Variants in GHR observed in about 807,000 individuals in gnomAD.
GHR encodes growth hormone receptor.
A neutral mutation model predicts 67.1 loss-of-function variants in GHR; 35 were observed. That is an observed-to-expected ratio of 0.52 (90% CI 0.40 to 0.69). The LOEUF is 0.69. Among genes scored for constraint, GHR ranks in the 30% least tolerant of loss-of-function variants. The pLI, the probability that GHR is intolerant of heterozygous loss-of-function variation, is 0.00. For synonymous variants in GHR, 272 were observed against 269.1 expected (o/e 1.01, Z -0.10); for missense variants, 792 against 764.6 (o/e 1.04, Z -0.42).
At chr5:42,588,550 A>AAAAAAAAAAAAC (rs1458940491) in intron 2 of GHR, among the ~76,000 whole-genome samples, 1 of 150,010 alleles carries the variant, frequency 6.7e-6, no homozygotes, top group Admixed American at 6.7e-5. Context: ...AAAAAAAAAA[A>AAAAAAAAAAAAC]AGTGACCTAT....
intron 1 of GHR, among the ~76,000 whole-genome samples, chr5:42,443,882 T>C (rs546832439): frequency 2.0e-5 from 3 of 152,054 alleles, no homozygotes; most frequent in Admixed American, 2.0e-4. Context: ...AACACTCTCA[T>C]AGAAACATTT....
At chr5:42,639,118 A>G (rs1754345311) in intron 3 of GHR, among the ~76,000 whole-genome samples, 3 of 152,174 alleles carry the variant, frequency 2.0e-5, no homozygotes, top group Non-Finnish European at 4.4e-5. Flanking sequence ...TGATGGATGG[A>G]AAGGGCAATT....
chr5:42,478,794 TG>T (rs1745467196), intron 1 of GHR, among the ~76,000 whole-genome samples: 2 of 152,194 alleles, frequency 1.3e-5, no homozygotes, highest in Admixed American at 1.3e-4. Context: ...GCTGAGATGA[TG>T]GGGTTTTCTA....
At chr5:42,544,878 A>T (rs189155919) in intron 1 of GHR, among the ~76,000 whole-genome samples, 4 of 152,296 alleles carry the variant, frequency 2.6e-5, no homozygotes, top group African/African-American at 9.6e-5. Flanking sequence ...AAGATATATG[A>T]TGGAATATGA....
intron 6 of GHR, among the ~76,000 whole-genome samples, chr5:42,701,881 A>G (rs1757947058): frequency 6.6e-6 from 1 of 152,166 alleles, no homozygotes; most frequent in African/African-American, 2.4e-5. Context: ...TAATCAAATC[A>G]TGCATGGGGA....
intron 2 of GHR, among the ~76,000 whole-genome samples, chr5:42,622,765 C>G (rs758368128): frequency 3.7e-4 from 56 of 152,186 alleles, no homozygotes; most frequent in South Asian, 4.1e-4. Flanking sequence ...GATTCTCCTA[C>G]TCTTGCTTCC....
At chr5:42,430,022 A>G (rs1227191800) in intron 1 of GHR, among the ~76,000 whole-genome samples, 1 of 152,252 alleles carries the variant, frequency 6.6e-6, no homozygotes, top group Non-Finnish European at 1.5e-5. Flanking sequence ...TGTCTAAGTC[A>G]GCCATCTACT....
intron 1 of GHR, among the ~76,000 whole-genome samples, chr5:42,529,382 T>G (rs144290335): frequency 2.6e-4 from 40 of 152,288 alleles, no homozygotes; most frequent in African/African-American, 9.6e-4. Flanking sequence ...TTTGCTTCAT[T>G]GCAGTGGTCC....
chr5:42,687,190 G>GA (rs1757201968), intron 3 of GHR, among the ~76,000 whole-genome samples: 2 of 152,134 alleles, frequency 1.3e-5, no homozygotes, highest in African/African-American at 4.8e-5. Flanking sequence ...CAAACAAATG[G>GA]AAAAACATCC....
At chr5:42,474,094 TAGA>T (rs985992655) in intron 1 of GHR, among the ~76,000 whole-genome samples, 1 of 148,812 alleles carries the variant, frequency 6.7e-6, no homozygotes, top group Non-Finnish European at 1.5e-5. Context: ...GAGGCTGAGG[TAGA>T]AGAATCGCTT....
chr5:42,694,866 C>A (rs1757593363), intron 4 of GHR, 51 bp from the exon 5 acceptor site: 1 of 1,377,264 alleles, frequency 7.3e-7, no homozygotes, highest in Non-Finnish European at 1.0e-6. Flanking sequence ...TGGACTTAAG[C>A]TACAACATGA....
chr5:42,657,009 T>A (rs757260712), intron 3 of GHR, among the ~76,000 whole-genome samples: 7 of 152,134 alleles, frequency 4.6e-5, no homozygotes, highest in African/African-American at 9.7e-5. Context: ...ACTGTAACCC[T>A]GAACATGGTC....
intron 2 of GHR, among the ~76,000 whole-genome samples, chr5:42,575,359 T>C (rs567334164): frequency 1.0e-3 from 156 of 152,212 alleles, no homozygotes; most frequent in African/African-American, 3.7e-3. Context: ...TAAGGTTGAG[T>C]TCCCCAGAAG....
At chr5:42,602,195 C>G (rs995383921) in intron 2 of GHR, among the ~76,000 whole-genome samples, 10 of 152,238 alleles carry the variant, frequency 6.6e-5, no homozygotes, top group African/African-American at 2.4e-4. Flanking sequence ...GAAATCTACT[C>G]TATTAACAAA....
rs1438573758 is a variant in GHR at position 42,647,569 on chromosome 5, G to A, written c.136+18466G>A. On this transcript the variant is annotated intron_variant, in intron 3 of 9. Transcript: ENST00000230882. ...AGCCTGGGCGACAGAGCAAGACTGC[G>A]TCTCCAAAAAAAAAAAAAAAAGTCA... 4.4e-5 allele frequency: 17 copies of A among 385,594 alleles called. No homozygotes were observed. In the Middle Eastern group the frequency reaches 1.2e-3, roughly 26 times the overall value. The allele number at this position is 385,594 out of a possible 1,614,324, so 23.9% of individuals were successfully genotyped here.
At position 42,425,102 on chromosome 5, in the gene GHR, C is replaced by T. The variant is rs1427067313; in HGVS notation, c.-12+1147C>T. The T allele has an allele frequency of 9.5e-6, 7 of 733,374 alleles. No homozygotes were observed. The East Asian group carries it at 3.9e-4, about 41-fold the overall frequency. The allele number at this position is 733,374 out of a possible 1,614,324, so 45.4% of individuals were successfully genotyped here. On this transcript the variant is annotated intron_variant, in intron 1 of 9. Coordinates refer to ENST00000230882, the MANE Select transcript of GHR (RefSeq NM_000163.5). ...TCTGCATAGGATTAAGTATTAAGGGCTTTAAAATAACTAAACGCATTGCCC... is the reference window on the plus strand; with the variant it reads ...TCTGCATAGGATTAAGTATTAAGGGTTTTAAAATAACTAAACGCATTGCCC...
intron 1 of GHR, among the ~76,000 whole-genome samples, chr5:42,457,192 G>T (rs1011674092): frequency 6.6e-6 from 1 of 152,168 alleles, no homozygotes; most frequent in Non-Finnish European, 1.5e-5. Context: ...GGTGAAAAAG[G>T]CTGAGTGTGT....
At chr5:42,588,514 G>A (rs1241806669) in intron 2 of GHR, among the ~76,000 whole-genome samples, 4 of 40,808 alleles carry the variant, frequency 9.8e-5, no homozygotes, top group Admixed American at 7.7e-4. Flanking sequence ...CAGCAAAAGC[G>A]AAACTCCATC....
intron 1 of GHR, among the ~76,000 whole-genome samples, chr5:42,530,140 T>G (rs920969263): frequency 1.8e-4 from 27 of 152,050 alleles, no homozygotes; most frequent in African/African-American, 6.3e-4. Context: ...TTTATAATGA[T>G]CACCATGATC....
Sources: gnomAD v4.1 joint callset for allele counts (sites outside exome capture counted in the v4.1 genomes callset) on GRCh38, gnomAD v4.1.1 for gene constraint, MANE v1.5 for transcripts, NCBI Gene and HGNC (gene_info 2026-07-23, HGNC 2026-07-21) for gene names.